The following FRMD6 variants were observed in gnomAD, a reference collection of about 807,000 sequenced individuals.
FRMD6 encodes FERM domain containing 6, also known as FERM domain-containing protein 6.
In FRMD6, 37 loss-of-function variants were observed where a neutral mutation model predicts 73.2. The observed-to-expected ratio is 0.51, with a 90% CI of 0.39 to 0.66. The LOEUF (loss-of-function observed/expected upper bound fraction) is 0.66. FRMD6 is among the 30% of genes least tolerant of loss of function. The probability of loss-of-function intolerance (pLI) is 0.00; values close to 1 mark genes in which losing one functional copy is unlikely to be tolerated. For missense variants in FRMD6, 714 were observed against 780.5 expected, an observed-to-expected ratio of 0.91 and a Z score of 1.02; for synonymous variants, 273 against 282.2, an observed-to-expected ratio of 0.97 and a Z score of 0.33.
chr14:51,426,691 CAG>C, the FRMD6 span, among the ~76,000 whole-genome samples: 1 of 152,128 alleles, frequency 6.6e-6, no homozygotes, highest in African/African-American at 2.4e-5. Context: ...GGGAGTGGAA[CAG>C]AGAGTGCAGA....
At chr14:51,565,571 A>ATGGTGG (rs1228533647) in intron 1 of FRMD6, 1 of 152,274 alleles carries the variant, frequency 6.6e-6, no homozygotes, top group Non-Finnish European at 1.5e-5. Context: ...GGTGATGGTG[A>ATGGTGG]TGGTGGTGGT....
At chr14:51,413,050 G>T in the FRMD6 span, among the ~76,000 whole-genome samples, 7 of 149,850 alleles carry the variant, frequency 4.7e-5, no homozygotes, top group South Asian at 2.2e-4. Flanking sequence ...GAGCGCAGTG[G>T]CGTGATCTCA....
At chr14:51,724,326 T>A (rs1897821930) in intron 12 of FRMD6, 1 of 152,376 alleles carries the variant, frequency 6.6e-6, no homozygotes, top group African/African-American at 2.4e-5. Context: ...AGCTCGGTGT[T>A]GACTTTTCCA....
At chr14:51,517,243 A>G (rs905647613) in intron 1 of FRMD6, among the ~76,000 whole-genome samples, 1 of 152,154 alleles carries the variant, frequency 6.6e-6, no homozygotes, top group African/African-American at 2.4e-5. Flanking sequence ...AAGTTGACCA[A>G]TCCGGTTTGG....
At chr14:51,405,939 T>C in the FRMD6 span, among the ~76,000 whole-genome samples, 1 of 152,218 alleles carries the variant, frequency 6.6e-6, no homozygotes, top group South Asian at 2.1e-4. Flanking sequence ...ATTGCCTAGG[T>C]TGTCTTCCAG....
chr14:51,596,363 A>G (rs1176140969), intron 2 of FRMD6, among the ~76,000 whole-genome samples: 2 of 151,982 alleles, frequency 1.3e-5, no homozygotes, highest in Non-Finnish European at 2.9e-5. Flanking sequence ...GGAGTATTGC[A>G]CTGTGAACCG....
intron 1 of FRMD6, 142 bp from the exon 2 acceptor site, chr14:51,689,549 A>G (rs1340621158): frequency 3.0e-5 from 11 of 370,138 alleles, no homozygotes; most frequent in South Asian, 2.5e-4. Flanking sequence ...GTGAGTTCCC[A>G]TGTATTAAAT....
At chr14:51,490,232 A>G (rs1453873988) in intron 1 of FRMD6, among the ~76,000 whole-genome samples, 1 of 152,246 alleles carries the variant, frequency 6.6e-6, no homozygotes, top group African/African-American at 2.4e-5. Context: ...ACTTTTAAAA[A>G]ACAGACTAAG....
chr14:51,696,765 A>AG (rs1555337479), intron 2 of FRMD6, among the ~76,000 whole-genome samples: 1 of 150,524 alleles, frequency 6.6e-6, no homozygotes, highest in Non-Finnish European at 1.5e-5. Context: ...AAAAAAAAAA[A>AG]GTCGATTGAG....
At chr14:51,413,718 C>G in the FRMD6 span, among the ~76,000 whole-genome samples, 1 of 152,162 alleles carries the variant, frequency 6.6e-6, no homozygotes, top group South Asian at 2.1e-4. Context: ...GTTCTAGATC[C>G]TTGAGGAATC....
At chr14:51,492,578 T>C (rs1041153888) in intron 1 of FRMD6, among the ~76,000 whole-genome samples, 7 of 152,200 alleles carry the variant, frequency 4.6e-5, no homozygotes, top group African/African-American at 1.7e-4. Context: ...AAGTATCACC[T>C]TCTTTGATGT....
intron 11 of FRMD6, among the ~76,000 whole-genome samples, 185 bp from the exon 12 acceptor site, chr14:51,721,764 A>AAGGAGGGG (rs1555340808): frequency 6.8e-6 from 1 of 147,924 alleles, no homozygotes; most frequent in African/African-American, 2.5e-5. Context: ...GGAAGGAGGG[A>AAGGAGGGG]AGGAGGGAAG....
intron 12 of FRMD6, among the ~76,000 whole-genome samples, chr14:51,724,951 G>T (rs371981813): frequency 1.6e-4 from 25 of 152,134 alleles, no homozygotes; most frequent in African/African-American, 6.0e-4. Flanking sequence ...CTGAAATTTT[G>T]GCGGGTTTCC....
chr14:51,701,143 A>G lies in FRMD6; in HGVS notation c.278A>G (p.Gln93Arg), dbSNP rs1896283444. 7 of 1,566,860 alleles carry G rather than the reference A, an allele frequency of 4.5e-6. No homozygotes were observed. The highest frequency in any genetic ancestry group is 6.1e-6 in the Non-Finnish European group (7 of 1,154,158). Reference protein sequence around the residue: ...EWKKEASKVRQYEVTWGIDQF... With the variant: ...EWKKEASKVRRYEVTWGIDQF... ...AAGAAAGAGGCCAGCAAGGTACGAC[A>G]ATACGAAGTCACTTGGGTGAGATTA... The change falls in exon 4 of 14, where the codon CAA becomes CGA. Residue 93 changes from glutamine (Q) to arginine (R), a missense_variant. Physicochemically the swap from Gln to Arg is conservative, Grantham distance 43. Transcript: ENST00000344768.
intron 2 of FRMD6, among the ~76,000 whole-genome samples, chr14:51,622,970 G>A (rs1213009205): frequency 6.6e-6 from 1 of 152,040 alleles, no homozygotes; most frequent in Admixed American, 6.6e-5. Flanking sequence ...GGGTCTTGCC[G>A]TGTTTCCCAG....
At chr14:51,721,388 G>T (rs151044117) in intron 11 of FRMD6, among the ~76,000 whole-genome samples, 5 of 152,318 alleles carry the variant, frequency 3.3e-5, no homozygotes, top group African/African-American at 1.2e-4. Context: ...AAGGCAGGCG[G>T]ATCACGAGGT....
chr14:51,495,086 A>G (rs891399258), intron 1 of FRMD6, among the ~76,000 whole-genome samples: 4 of 152,168 alleles, frequency 2.6e-5, no homozygotes, highest in Non-Finnish European at 5.9e-5. Flanking sequence ...TTGACTTAGA[A>G]TTTTCCTCAG....
the FRMD6 span, among the ~76,000 whole-genome samples, chr14:51,455,200 G>A: frequency 6.6e-6 from 1 of 152,204 alleles, no homozygotes. Flanking sequence ...ATCCCAAGGG[G>A]GATATAGAGT....
intron 2 of FRMD6, among the ~76,000 whole-genome samples, chr14:51,590,430 G>A (rs1237325246): frequency 6.6e-6 from 1 of 151,888 alleles, no homozygotes; most frequent in African/African-American, 2.4e-5. Context: ...TTTTACAAGT[G>A]TTCCTCTAAA....
Sources: gnomAD v4.1 joint callset for allele counts (sites outside exome capture counted in the v4.1 genomes callset) on GRCh38, gnomAD v4.1.1 for gene constraint, MANE v1.5 for transcripts, NCBI Gene and HGNC (gene_info 2026-07-23, HGNC 2026-07-21) for gene names.